Variants in ING5 observed in about 807,000 individuals in gnomAD.
ING5 encodes inhibitor of growth family member 5.
ING5 carries 17 observed loss-of-function variants against 37.4 expected under a neutral mutation model. The ratio of observed to expected loss-of-function variants is 0.45; its 90% confidence interval spans 0.31 to 0.68. The LOEUF is 0.68. Ranked by LOEUF, ING5 falls within the 30% of genes least tolerant of loss-of-function variation. ING5 has a pLI of 0.05. For synonymous variants in ING5, 123 were observed against 116.6 expected (o/e 1.06, Z -0.36); for missense variants, 233 against 311.9 (o/e 0.75, Z 1.91).
rs918949385 is a variant in ING5, at chr2:241,725,676, A to C, written c.*645A>C. ...CCTCGGGGACTCACCTCCGGAGTAAACGGCTCTTCATTAGCTTGGAGTGGC... is the reference window on the plus strand; with the variant it reads ...CCTCGGGGACTCACCTCCGGAGTAACCGGCTCTTCATTAGCTTGGAGTGGC... On this transcript the variant is annotated 3_prime_UTR_variant, in exon 8 of 8. Coordinates refer to ENST00000313552, the MANE Select transcript of ING5 (RefSeq NM_032329.6). 6 of 152,556 alleles carry C rather than the reference A, an allele frequency of 3.9e-5. No homozygotes were observed. The highest frequency in any genetic ancestry group is 1.4e-4 in the African/African-American group (6 of 41,436). The allele number at this position is 152,556 out of a possible 1,614,324, so 9.5% of individuals were successfully genotyped here.
intron 7 of ING5, among the ~76,000 whole-genome samples, chr2:241,723,479 C>G (rs2070478168): frequency 6.6e-6 from 1 of 152,226 alleles, no homozygotes; most frequent in Admixed American, 6.5e-5. Flanking sequence ...GCTGCTGTGC[C>G]TGTCCGAGCT....
At position 241,725,188 on chromosome 2, in the gene ING5, A is replaced by C; in HGVS notation, c.*157A>C. On this transcript the variant is annotated 3_prime_UTR_variant, in exon 8 of 8. Transcript: ENST00000313552. ...ATGTTTCCTAGAACAAGAACCACCA[A>C]AGCCTGTTCGCACAGAAGGGCGACC... is the stretch of plus-strand genomic sequence containing the variant. 4 of 795,554 alleles carry C rather than the reference A, an allele frequency of 5.0e-6. No homozygotes were observed. The highest frequency in any genetic ancestry group is 6.3e-6 in the Non-Finnish European group (3 of 479,356). 49.3% of individuals were successfully genotyped at this position (795,554 alleles called of 1,614,324 possible).
chr2:241,726,436 C>T lies in ING5; in HGVS notation c.*1405C>T, dbSNP rs1295378778. The T allele has an allele frequency of 1.3e-5, 2 of 152,324 alleles. No homozygotes were observed. The highest frequency in any genetic ancestry group is 3.9e-4 in the East Asian group (2 of 5,188). The allele number at this position is 152,324 out of a possible 1,614,324, so 9.4% of individuals were successfully genotyped here. ...GCTCTGTGTCTCAGACGGGGCCCTC[C>T]CGTCGAGAAGCTGGTAGTCAGTGAG... On this transcript the variant is annotated 3_prime_UTR_variant, in exon 8 of 8. Coordinates refer to ENST00000313552, the MANE Select transcript of ING5 (RefSeq NM_032329.6).
intron 1 of ING5, among the ~76,000 whole-genome samples, chr2:241,688,777 C>G (rs1480665821): frequency 6.7e-6 from 1 of 149,880 alleles, no homozygotes; most frequent in South Asian, 2.1e-4. Context: ...GCGCCCACCA[C>G]CACGCCCGGC....
Position 241,722,931 on chromosome 2 carries a change from C to A in ING5, c.483-8C>A. 3 of 1,613,724 alleles carry A rather than the reference C, an allele frequency of 1.9e-6. No homozygotes were observed. The highest frequency in any genetic ancestry group is 1.1e-5 in the South Asian group (1 of 91,088). On this transcript the variant is annotated splice_polypyrimidine_tract_variant and splice_region_variant and intron_variant, in intron 5 of 7. Coordinates refer to ENST00000313552, the MANE Select transcript of ING5 (RefSeq NM_032329.6). ...CCTTCAGTGGTGCCTGTGCCCTGTCCCCTGCAGGTCTGAGTTCACTGACAC... is the reference window on the plus strand; with the variant it reads ...CCTTCAGTGGTGCCTGTGCCCTGTCACCTGCAGGTCTGAGTTCACTGACAC...
chr2:241,727,700 G>A lies in ING5; in HGVS notation c.*2669G>A, dbSNP rs932486514. On this transcript the variant is annotated 3_prime_UTR_variant, in exon 8 of 8. Coordinates refer to ENST00000313552, the MANE Select transcript of ING5 (RefSeq NM_032329.6). ...CATTTTTGGGAAGAGGGATAGGTAAGTGCAGGGAGTTTGTGCTGAAACAGC... is the reference window on the plus strand; with the variant it reads ...CATTTTTGGGAAGAGGGATAGGTAAATGCAGGGAGTTTGTGCTGAAACAGC... 3.9e-5 allele frequency: 6 copies of A among 152,280 alleles called. No individual in the cohort carries two copies. The highest frequency in any genetic ancestry group is 1.4e-4 in the African/African-American group (6 of 41,466). The allele number at this position is 152,280 out of a possible 1,614,324, so 9.4% of individuals were successfully genotyped here.
chr2:241,701,226 A>C (rs1220319610), upstream of ING5, among the ~76,000 whole-genome samples: 1 of 151,980 alleles, frequency 6.6e-6, no homozygotes. Context: ...GGCCTCCCAA[A>C]GTGATGGGAT....
At chr2:241,707,954 G>A (rs1414859687) in intron 2 of ING5, among the ~76,000 whole-genome samples, 1 of 152,084 alleles carries the variant, frequency 6.6e-6, no homozygotes, top group Non-Finnish European at 1.5e-5. Context: ...CTGGAGTGCA[G>A]TGGCACGGTC....
At chr2:241,721,055 G>A in intron 5 of ING5, 2 of 985,640 alleles carry the variant, frequency 2.0e-6, no homozygotes, top group Non-Finnish European at 2.4e-6. Flanking sequence ...AAGATGTCAG[G>A]TCGGGCTTTG....
At chr2:241,719,049 C>A (rs1314457241) in intron 5 of ING5, among the ~76,000 whole-genome samples, 1 of 152,212 alleles carries the variant, frequency 6.6e-6, no homozygotes, top group African/African-American at 2.4e-5. Flanking sequence ...GGGCCTGGGG[C>A]GGGGCAGGGT....
chr2:241,689,586 A>T (rs1575112743), intron 1 of ING5, among the ~76,000 whole-genome samples: 1 of 151,742 alleles, frequency 6.6e-6, no homozygotes, highest in Non-Finnish European at 1.5e-5. Flanking sequence ...CTGGTTTTTC[A>T]CCCCAGATCC....
intron 4 of ING5, 149 bp from the exon 5 acceptor site, chr2:241,711,829 A>C: frequency 1.4e-6 from 1 of 689,802 alleles, no homozygotes; most frequent in Non-Finnish European, 2.4e-6. Flanking sequence ...TGAGCCCGGG[A>C]GGTCAAGGCT....
intron 3 of ING5, among the ~76,000 whole-genome samples, chr2:241,709,691 C>T (rs1024051480): frequency 1.6e-4 from 25 of 151,862 alleles, no homozygotes; most frequent in African/African-American, 6.1e-4. Context: ...AGTGCAACCT[C>T]CGCCTCCTAG....
At chr2:241,690,813 TTTTC>T (rs1275289240) in intron 2 of ING5, among the ~76,000 whole-genome samples, 3 of 151,764 alleles carry the variant, frequency 2.0e-5, no homozygotes, top group African/African-American at 7.3e-5. Flanking sequence ...CTTTTTTTTT[TTTTC>T]TTTTTTTCCC....
Position 241,702,074 on chromosome 2 carries a change from C to A in ING5, c.9C>A (p.Thr3=). The part of the protein sequence containing the change: MA[T]AMYLEHYLDS... ...CGCGGCCGCGGACGAAGATGGCGAC[C>A]GCCATGTACTTGGAGCACTATCTGG... The change falls in exon 1 of 8, where the codon ACC becomes ACA. Residue 3 remains threonine, a synonymous_variant. Transcript: ENST00000313552. 1.4e-6 allele frequency: 2 copies of A among 1,388,456 alleles called. No individual in the cohort carries two copies. Among genetic ancestry groups the A allele is most frequent in the Non-Finnish European group, 1.9e-6 (2 of 1,065,870 alleles). 86.0% of individuals were successfully genotyped at this position (1,388,456 alleles called of 1,614,324 possible).
intron 5 of ING5, among the ~76,000 whole-genome samples, chr2:241,718,059 C>T (rs1213554856): frequency 6.6e-6 from 1 of 152,198 alleles, no homozygotes; most frequent in Non-Finnish European, 1.5e-5. Context: ...GTGGCCCAGG[C>T]TGGAGTGCGG....
chr2:241,687,642 C>T (rs2069463276), exon 1 of ING5: 2 of 274,152 alleles, frequency 7.3e-6, no homozygotes, highest in African/African-American at 4.4e-5. Flanking sequence ...ATTCTCCTGC[C>T]TCAGCCTCCC....
intron 5 of ING5, among the ~76,000 whole-genome samples, chr2:241,715,358 C>T (rs2070233605): frequency 6.6e-6 from 1 of 151,390 alleles, no homozygotes; most frequent in South Asian, 2.1e-4. Flanking sequence ...CCATGCCTGG[C>T]TAATTTTTTA....
At chr2:241,702,259 G>A (rs2069758992) in intron 1 of ING5, among the ~76,000 whole-genome samples, 157 bp downstream of exon 1, 1 of 147,296 alleles carries the variant, frequency 6.8e-6, no homozygotes. Context: ...GGCGGGGCAG[G>A]GCCGCAAGGG....
Sources: allele counts gnomAD v4.1 joint callset (sites outside exome capture counted in the v4.1 genomes callset), GRCh38; gene constraint gnomAD v4.1.1; transcripts MANE v1.5; gene names NCBI Gene and HGNC (gene_info 2026-07-23, HGNC 2026-07-21).